SMYD4: variants seen among roughly 807,000 people sequenced by gnomAD.
The protein encoded by SMYD4 is protein-lysine N-methyltransferase SMYD4.
Under a neutral mutation model 72.8 loss-of-function variants are expected in SMYD4, and 68 were observed. That is an observed-to-expected ratio of 0.93 (90% CI 0.77 to 1.14). The LOEUF is 1.14. SMYD4 is among the 50% of genes most tolerant of loss of function. The probability of loss-of-function intolerance (pLI) is 0.00; values close to 1 mark genes in which losing one functional copy is unlikely to be tolerated. For synonymous variants in SMYD4, 407 were observed against 388.6 expected (o/e 1.05, Z -0.56); for missense variants, 984 against 1,003.7 (o/e 0.98, Z 0.27).
intron 5 of SMYD4, among the ~76,000 whole-genome samples, chr17:1,799,445 T>C (rs910182176): frequency 2.0e-5 from 3 of 151,298 alleles, no homozygotes; most frequent in Non-Finnish European, 2.9e-5. Context: ...CTCGGCTCAT[T>C]TGCAACCTCC....
chr17:1,827,932 C>G lies in SMYD4; in HGVS notation c.63G>C (p.Thr21=), dbSNP rs78573746. 3.1e-6 allele frequency: 5 copies of G among 1,613,484 alleles called. No individual in the cohort carries two copies. The change falls in exon 2 of 11, where the codon ACG becomes ACC. Residue 21 remains threonine (T), a synonymous_variant. Transcript: ENST00000305513. ...CTGTAGAAATTGTGACCTGAACAGA[C>G]GTCGGGAGTGAAGCCCACTTTTGAA... The part of the protein sequence containing the change: ...YLLQKWASLP[T]SVQVTISTAE...
chr17:1,825,075 C>T (rs1456167919), intron 2 of SMYD4, among the ~76,000 whole-genome samples: 1 of 152,050 alleles, frequency 6.6e-6, no homozygotes, highest in Non-Finnish European at 1.5e-5. Flanking sequence ...TCAATTAAAC[C>T]TCTTTTCTTT....
rs762700823 is a variant in SMYD4, at chr17:1,781,378, A to G, written c.2323T>C (p.Cys775Arg). ...QKAEEVLSLH[C>R]GPWDDEIQEL... is the part of the protein sequence containing the mutation. ...TGGATTTCATCGTCCCATGGGCCAC[A>G]GTGCAGCGACAGAACCTCCTCAGCT... The change falls in exon 11 of 11, where the codon TGT becomes CGT. Residue 775 changes from cysteine to arginine, a missense_variant. Transcript: ENST00000305513. 1.9e-6 allele frequency: 3 copies of G among 1,614,042 alleles called. No individual in the cohort carries two copies. The highest frequency in any genetic ancestry group is 3.3e-5 in the Admixed American group (2 of 59,992).
Position 1,780,150 on chromosome 17 carries a change from C to T in SMYD4, c.*1136G>A, listed in dbSNP as rs1201550141. ...TGCAACGGTTTGAGTCCTCCTCAGC[C>T]CTCATATCCTAGGCTTCGGACTGTT... On this transcript the variant is annotated 3_prime_UTR_variant, in exon 11 of 11. Coordinates refer to ENST00000305513, the MANE Select transcript of SMYD4 (RefSeq NM_052928.3). 6.6e-6 allele frequency: 1 copy of T among 152,190 alleles called. No individual in the cohort carries two copies. Among genetic ancestry groups the T allele is most frequent in the Non-Finnish European group, 1.5e-5 (1 of 68,046 alleles). The allele number at this position is 152,190 out of a possible 1,614,324, so 9.4% of individuals were successfully genotyped here. A position where few individuals can be genotyped will look rare whatever the true frequency, so the allele number is the denominator to read the frequency against.
At chr17:1,785,724 C>T (rs1039061022) in intron 7 of SMYD4, among the ~76,000 whole-genome samples, 1 of 147,398 alleles carries the variant, frequency 6.8e-6, no homozygotes, top group African/African-American at 2.6e-5. Context: ...CGTGCCACTG[C>T]ACTCACTTCA....
chr17:1,794,620 T>G (rs113257363), intron 5 of SMYD4, among the ~76,000 whole-genome samples: 3,404 of 152,206 alleles, frequency 0.022, 49 homozygotes, highest in Non-Finnish European at 0.034. Context: ...TGTTAATGAT[T>G]TGAAAAAGAC....
chr17:1,794,037 GTATGTATATATATA>G (rs1567770764), intron 5 of SMYD4, among the ~76,000 whole-genome samples: 6 of 49,344 alleles, frequency 1.2e-4, no homozygotes, highest in African/African-American at 3.7e-4. Context: ...ATATATATAT[GTATGTATATATATA>G]TGTGTGTATA....
intron 2 of SMYD4, among the ~76,000 whole-genome samples, chr17:1,826,276 T>C (rs1345761352): frequency 1.3e-5 from 2 of 151,980 alleles, no homozygotes; most frequent in Admixed American, 1.3e-4. Flanking sequence ...GCGGATCACC[T>C]GAGGCCAGGA....
chr17:1,781,202 T>C lies in SMYD4; in HGVS notation c.*84A>G. The C allele has an allele frequency of 6.6e-7, 1 of 1,526,452 alleles. No individual in the cohort carries two copies. The highest frequency in any genetic ancestry group is 8.8e-7 in the Non-Finnish European group (1 of 1,135,580). 94.6% of individuals were successfully genotyped at this position (1,526,452 alleles called of 1,614,324 possible). On this transcript the variant is annotated 3_prime_UTR_variant, in exon 11 of 11. Coordinates refer to ENST00000305513, the MANE Select transcript of SMYD4 (RefSeq NM_052928.3). ...TCCCAAAGTGCTGGGATTACAGGCG[T>C]GAGCCACCATACCTGGCCAGCAAAA... is the stretch of plus-strand genomic sequence containing the variant.
Position 1,800,061 on chromosome 17 carries a change from G to C in SMYD4, c.1333C>G (p.Leu445Val), listed in dbSNP as rs563447726. The C allele has an allele frequency of 4.3e-6, 7 of 1,612,760 alleles. No individual in the cohort carries two copies. The highest frequency in any genetic ancestry group is 5.9e-6 in the Non-Finnish European group (7 of 1,179,008). The change falls in exon 5 of 11, where the codon CTC becomes GTC. Residue 445 changes from leucine (L) to valine (V), a missense_variant. Transcript: ENST00000305513. ...HSPEHKFLCA[L>V]CVSALCRQLE... Reference sequence around the variant, plus strand: ...TGTCTGCACAGTGCAGAAACACAGAGAGCACAGAGGAATTTGTGCTCTGGG... The same window carrying C: ...TGTCTGCACAGTGCAGAAACACAGACAGCACAGAGGAATTTGTGCTCTGGG...
At chr17:1,828,923 A>G (rs1024487652) in intron 1 of SMYD4, among the ~76,000 whole-genome samples, 5 of 152,032 alleles carry the variant, frequency 3.3e-5, no homozygotes, top group Non-Finnish European at 7.4e-5. Context: ...TCTCTGAGAC[A>G]CATCCCAGAT....
Position 1,779,768 on chromosome 17 carries a change from A to C in SMYD4, c.*1518T>G, listed in dbSNP as rs1051787475. 3 of 152,684 alleles carry C rather than the reference A, an allele frequency of 2.0e-5. No homozygotes were observed. Among genetic ancestry groups the C allele is most frequent in the South Asian group, 4.1e-4 (2 of 4,826 alleles). The allele number at this position is 152,684 out of a possible 1,614,324, so 9.5% of individuals were successfully genotyped here. On this transcript the variant is annotated 3_prime_UTR_variant, in exon 11 of 11. Coordinates refer to ENST00000305513, the MANE Select transcript of SMYD4 (RefSeq NM_052928.3). ...AGGAGTCGAGGAAGCTAGATACTGT[A>C]AGTGGAACGGTGTGTCTCTGGAGGT...
intron 3 of SMYD4, among the ~76,000 whole-genome samples, chr17:1,806,693 T>C (rs777883422): frequency 6.6e-6 from 1 of 152,160 alleles, no homozygotes. Flanking sequence ...GGTATCCTCA[T>C]TATGCTGTTA....
rs1223013831 is a variant in SMYD4 at position 1,800,452 on chromosome 17, A to G, written c.942T>C (p.Tyr314=). 3 of 1,614,088 alleles carry G rather than the reference A, an allele frequency of 1.9e-6. No homozygotes were observed. The highest frequency in any genetic ancestry group is 2.7e-5 in the African/African-American group (2 of 74,946). ...LATVPCDGCS[Y]AKYCSQECLQ... is the part of the protein sequence containing the mutation. ...AACACTCCTGGCTGCAATACTTGGC[A>G]TAACTGCATCCGTCACACGGAACTG... is the stretch of plus-strand genomic sequence containing the variant. Residue 314 remains tyrosine, a synonymous_variant, in exon 5 of 11, where the codon TAT becomes TAC. Transcript: ENST00000305513.
chr17:1,794,483 C>A (rs1323791290), intron 5 of SMYD4, among the ~76,000 whole-genome samples: 1 of 145,420 alleles, frequency 6.9e-6, no homozygotes, highest in African/African-American at 2.6e-5. Context: ...TTAAATCTAG[C>A]TATCTTTTAA....
intron 3 of SMYD4, among the ~76,000 whole-genome samples, chr17:1,810,227 G>A (rs1910257698): frequency 6.6e-6 from 1 of 152,154 alleles, no homozygotes; most frequent in Non-Finnish European, 1.5e-5. Context: ...ACTGCTACAG[G>A]GTATCGGAAG....
chr17:1,787,835 G>A (rs1908787253), intron 5 of SMYD4, among the ~76,000 whole-genome samples: 1 of 152,070 alleles, frequency 6.6e-6, no homozygotes, highest in Non-Finnish European at 1.5e-5. Context: ...GGAACCTAAC[G>A]ACTGTGTCTC....
At chr17:1,816,538 T>C (rs1316884860) in intron 2 of SMYD4, among the ~76,000 whole-genome samples, 1 of 151,170 alleles carries the variant, frequency 6.6e-6, no homozygotes, top group Admixed American at 6.6e-5. Flanking sequence ...GAGAATCACT[T>C]GAACCCAGGA....
chr17:1,781,451 G>A lies in SMYD4; in HGVS notation c.2262-12C>T. 1 of 1,611,174 alleles carries A rather than the reference G, an allele frequency of 6.2e-7. No individual in the cohort carries two copies. The highest frequency in any genetic ancestry group is 8.5e-7 in the Non-Finnish European group (1 of 1,179,038). ...CGGGTACTGCAAACCTGAGCCAAGG[G>A]AGGTAAGAGGAGTTAGTTCACTGAT... is the stretch of plus-strand genomic sequence containing the variant. On this transcript the variant is annotated splice_polypyrimidine_tract_variant and intron_variant, in intron 10 of 10. Transcript: ENST00000305513.
Sources: allele counts gnomAD v4.1 joint callset (sites outside exome capture counted in the v4.1 genomes callset), GRCh38; gene constraint gnomAD v4.1.1; transcripts MANE v1.5; gene names NCBI Gene and HGNC (gene_info 2026-07-23, HGNC 2026-07-21).